GRM4: variants seen among roughly 807,000 people sequenced by gnomAD.
GRM4 encodes the protein metabotropic glutamate receptor 4.
GRM4 carries 28 observed loss-of-function variants against 81.7 expected under a neutral mutation model. That is an observed-to-expected ratio of 0.34 (90% CI 0.25 to 0.47). GRM4 has a LOEUF of 0.47. Ranked by LOEUF, GRM4 falls within the 20% of genes least tolerant of loss-of-function variation. GRM4 has a pLI of 1.00. For missense variants in GRM4, 948 were observed against 1,290.0 expected (o/e 0.73, Z 4.06); for synonymous variants, 488 against 528.8 (o/e 0.92, Z 1.06).
intron 2 of GRM4, among the ~76,000 whole-genome samples, chr6:34,104,273 G>C (rs1470060855): frequency 6.6e-6 from 1 of 152,224 alleles, no homozygotes; most frequent in Non-Finnish European, 1.5e-5. Flanking sequence ...CTTCCCCGGG[G>C]CTGGGGACAT....
At chr6:34,110,529 C>T (rs1193876424) in intron 2 of GRM4, 5 of 520,760 alleles carry the variant, frequency 9.6e-6, no homozygotes, top group African/African-American at 5.9e-5. Context: ...TGGGCTTTTC[C>T]GCAGAATATC....
rs1763783601 is a variant in GRM4, at chr6:34,019,136, C to T, written c.*3685G>A. ...GTGGCCCACTGAGACCTCTGTCCTGCCTGGCTCTATGCCTCTGCCTCCAGG... is the reference window on the plus strand; with the variant it reads ...GTGGCCCACTGAGACCTCTGTCCTGTCTGGCTCTATGCCTCTGCCTCCAGG... On this transcript the variant is annotated 3_prime_UTR_variant, in exon 11 of 11. Transcript: ENST00000538487. 1 of 152,394 alleles carries T rather than the reference C, an allele frequency of 6.6e-6. No homozygotes were observed. The highest frequency in any genetic ancestry group is 2.4e-5 in the African/African-American group (1 of 41,440). The allele number at this position is 152,394 out of a possible 1,614,324, so 9.4% of individuals were successfully genotyped here.
intron 8 of GRM4, among the ~76,000 whole-genome samples, chr6:34,037,824 C>T (rs1050955289): frequency 4.1e-5 from 6 of 145,850 alleles, no homozygotes; most frequent in African/African-American, 1.5e-4. Flanking sequence ...GATCATGCCA[C>T]TGCGCTCCAG....
chr6:34,056,080 A>G (rs1765856329), intron 6 of GRM4: 2 of 155,284 alleles, frequency 1.3e-5, no homozygotes, highest in Admixed American at 1.3e-4. Flanking sequence ...TCCAAGCGCC[A>G]TTGGACTCTT....
At position 34,022,933 on chromosome 6, in the gene GRM4, C is replaced by T. The variant is rs1008136122; in HGVS notation, c.2690-63G>A. Reference sequence around the variant, plus strand: ...GGCTGCTTTTCTCAAACTGTCCTTCCACATGGGCACAGCCCTGCACAAGAA... The same window carrying T: ...GGCTGCTTTTCTCAAACTGTCCTTCTACATGGGCACAGCCCTGCACAAGAA... On this transcript the variant is annotated intron_variant, in intron 10 of 10. Transcript: ENST00000538487. This position sits in a 1 kb window ranked among gnomAD's most constrained non-coding sequence, Gnocchi z 5.6. 2.1e-5 allele frequency: 26 copies of T among 1,249,664 alleles called. No individual in the cohort carries two copies. The highest frequency in any genetic ancestry group is 2.6e-5 in the Non-Finnish European group (22 of 848,024). The allele number at this position is 1,249,664 out of a possible 1,614,324, so 77.4% of individuals were successfully genotyped here.
At chr6:34,123,856 G>A (rs1769913053) in intron 2 of GRM4, among the ~76,000 whole-genome samples, 1 of 152,184 alleles carries the variant, frequency 6.6e-6, no homozygotes, top group African/African-American at 2.4e-5. Context: ...CCATCTGGCT[G>A]GCCCTTCCTC....
chr6:34,073,034 TACAC>T (rs1390560522), intron 3 of GRM4, among the ~76,000 whole-genome samples: 1 of 52,106 alleles, frequency 1.9e-5, no homozygotes, highest in Non-Finnish European at 3.7e-5. Flanking sequence ...TCACCACAGA[TACAC>T]ACCACACACA....
At position 34,078,966 on chromosome 6, in the gene GRM4, G is replaced by A. The variant is rs779042735; in HGVS notation, c.736+12917C>T. 3.1e-4 allele frequency among the ~76,000 whole-genome samples: 47 copies of A among 152,190 alleles called. 1 individual carries two copies. Among genetic ancestry groups the A allele is most frequent in the Admixed American group, 1.2e-3 (18 of 15,286 alleles). ...ACGGGAGGCTGAGAGAGGCCCAGGCGCACCCCCAGGTCTGAGGCCTCAGAG... is the reference window on the plus strand; with the variant it reads ...ACGGGAGGCTGAGAGAGGCCCAGGCACACCCCCAGGTCTGAGGCCTCAGAG... On this transcript the variant is annotated intron_variant, in intron 3 of 10. Transcript: ENST00000538487. This position sits in a 1 kb window ranked among gnomAD's most constrained non-coding sequence, Gnocchi z 4.8.
Position 34,089,474 on chromosome 6 carries a change from C to T in GRM4, c.736+2409G>A, listed in dbSNP as rs1768085092. The stretch of plus-strand genomic sequence containing the variant: ...CGACGAGACCTAGCTGCCTGAACTG[C>T]CCTGGCCAGGCCCCCGTAGGATGTT... On this transcript the variant is annotated intron_variant, in intron 3 of 10. Coordinates refer to ENST00000538487, the MANE Select transcript of GRM4 (RefSeq NM_000841.4). The surrounding 1 kb of genome is among the most constrained non-coding windows in gnomAD (Gnocchi z 4.3). Among the ~76,000 whole-genome samples, 1 of 151,978 alleles carries T rather than the reference C, an allele frequency of 6.6e-6. No individual in the cohort carries two copies. The highest frequency in any genetic ancestry group is 6.6e-5 in the Admixed American group (1 of 15,264).
At chr6:34,101,272 A>C (rs1221741717) in intron 2 of GRM4, among the ~76,000 whole-genome samples, 2 of 152,116 alleles carry the variant, frequency 1.3e-5, no homozygotes, top group African/African-American at 4.8e-5. Flanking sequence ...TAACACCTTC[A>C]ATCTTACCAT....
At chr6:34,044,771 C>CAG in intron 6 of GRM4, among the ~76,000 whole-genome samples, 1 of 129,126 alleles carries the variant, frequency 7.7e-6, no homozygotes, top group Non-Finnish European at 1.6e-5. Context: ...CACACATAGA[C>CAG]ATACACATAC....
rs927781676 is a variant in GRM4 at position 34,042,593 on chromosome 6, C to T, written c.1169-1845G>A. On this transcript the variant is annotated intron_variant, in intron 6 of 10. Transcript: ENST00000538487. This position sits in a 1 kb window ranked among gnomAD's most constrained non-coding sequence, Gnocchi z 4.2. ...TCCTCCTATCATTCTACTCCTAGCC[C>T]GTGCCTCTCAGCTAGAGGGCACATG... Among the ~76,000 whole-genome samples, 1 of 152,194 alleles carries T rather than the reference C, an allele frequency of 6.6e-6. No homozygotes were observed. The highest frequency in any genetic ancestry group is 2.1e-4 in the South Asian group (1 of 4,834).
intron 5 of GRM4, among the ~76,000 whole-genome samples, chr6:34,058,249 G>A (rs368169080): frequency 2.1e-4 from 32 of 152,258 alleles, no homozygotes; most frequent in African/African-American, 6.7e-4. Context: ...GCTAGAAGGC[G>A]CCATGGGCCA....
At position 34,069,396 on chromosome 6, in the gene GRM4, G is replaced by C. The variant is rs556887088; in HGVS notation, c.737-7368C>G. On this transcript the variant is annotated intron_variant, in intron 3 of 10. Transcript: ENST00000538487. The surrounding 1 kb of genome is among the most constrained non-coding windows in gnomAD (Gnocchi z 6.4). ...GGCAGCAGTGTTGTGGCCAGAGGGG[G>C]TTTCAAGGTAAGAAGGACACCAGGC... Among the ~76,000 whole-genome samples, 322 of 152,258 alleles carry C rather than the reference G, an allele frequency of 2.1e-3. No individual in the cohort carries two copies. The highest frequency in any genetic ancestry group is 7.4e-3 in the African/African-American group (308 of 41,546).
rs972863888 is a variant in GRM4 at position 34,020,691 on chromosome 6, C to T, written c.*2130G>A. The T allele has an allele frequency of 4.6e-5, 7 of 152,258 alleles. 1 individual carries two copies. Among genetic ancestry groups the T allele is most frequent in the Admixed American group, 3.9e-4 (6 of 15,284 alleles). The allele number at this position is 152,258 out of a possible 1,614,324, so 9.4% of individuals were successfully genotyped here. On this transcript the variant is annotated 3_prime_UTR_variant, in exon 11 of 11. Transcript: ENST00000538487. ...ATCAGCGAGACACTTCCTTTCCTGT[C>T]TCCTTCCCTCACACAAACATTTATT...
rs528260276 is a variant in GRM4 at position 34,144,251 on chromosome 6, G to A, written c.-364+1749C>T. On this transcript the variant is annotated intron_variant, in intron 1 of 10. Coordinates refer to ENST00000538487, the MANE Select transcript of GRM4 (RefSeq NM_000841.4). ...CCGCCCTGGTGCGGGGGCGCCTCTC[G>A]CAGTCGAGGCCTCCACCTCCCGGCC... Among the ~76,000 whole-genome samples the A allele has an allele frequency of 5.9e-5, 9 of 152,312 alleles. No homozygotes were observed. The South Asian group carries it at 8.3e-4, about 14-fold the overall frequency.
Position 34,040,236 on chromosome 6 carries a change from C to T in GRM4, c.1448G>A (p.Arg483His), listed in dbSNP as rs755343518. 6.8e-6 allele frequency: 11 copies of T among 1,613,976 alleles called. No homozygotes were observed. The highest frequency in any genetic ancestry group is 3.3e-5 in the South Asian group (3 of 91,086). ...GRYDIYQYQL[R>H]NDSAEYKVIG... ...GACCTTGTACTCGGCAGAATCGTTG[C>T]GCAGCTGGTATTGGTAGATGTCATA... Residue 483 changes from arginine to histidine, a missense_variant, in exon 8 of 11, where the codon CGC becomes CAC. Arg to His is a conservative substitution (Grantham distance 29). Coordinates refer to ENST00000538487, the MANE Select transcript of GRM4 (RefSeq NM_000841.4).
rs1463748257 is a variant in GRM4, at chr6:34,019,653, G to T, written c.*3168C>A. On this transcript the variant is annotated 3_prime_UTR_variant, in exon 11 of 11. Coordinates refer to ENST00000538487, the MANE Select transcript of GRM4 (RefSeq NM_000841.4). ...ACATTGAGGAGGCTGAGGCCACGGGGGTGAGCACATACCCCCTGCACACAG... is the reference window on the plus strand; with the variant it reads ...ACATTGAGGAGGCTGAGGCCACGGGTGTGAGCACATACCCCCTGCACACAG... The T allele has an allele frequency of 6.6e-6, 1 of 152,180 alleles. No individual in the cohort carries two copies. The highest frequency in any genetic ancestry group is 2.4e-5 in the African/African-American group (1 of 41,426). 9.4% of individuals were successfully genotyped at this position (152,180 alleles called of 1,614,324 possible).
At chr6:34,143,163 C>T (rs903867854) in intron 1 of GRM4, among the ~76,000 whole-genome samples, 11 of 152,090 alleles carry the variant, frequency 7.2e-5, no homozygotes, top group Non-Finnish European at 1.5e-4. Context: ...AAGGTATTGG[C>T]AGGTAGGCAA....
Sources: allele counts gnomAD v4.1 joint callset (sites outside exome capture counted in the v4.1 genomes callset), GRCh38; gene constraint gnomAD v4.1.1; non-coding constraint Gnocchi (gnomAD v3.1); transcripts MANE v1.5; gene names NCBI Gene and HGNC (gene_info 2026-07-23, HGNC 2026-07-21).